Variants in DENND1B observed in about 807,000 individuals in gnomAD.
The protein encoded by DENND1B is DENN domain-containing protein 1B.
In DENND1B, 59 loss-of-function variants were observed where a neutral mutation model predicts 90.1. The observed-to-expected ratio is 0.65, with a 90% CI of 0.53 to 0.81. DENND1B has a LOEUF of 0.81. Ranked by LOEUF, DENND1B falls within the 40% of genes least tolerant of loss-of-function variation. DENND1B has a pLI of 0.00. For synonymous variants in DENND1B, 337 were observed against 324.6 expected (o/e 1.04, Z -0.41); for missense variants, 862 against 912.6 (o/e 0.94, Z 0.71).
intron 10 of DENND1B, among the ~76,000 whole-genome samples, chr1:197,634,656 A>G (rs879428308): frequency 1.3e-5 from 2 of 152,192 alleles, no homozygotes; most frequent in Admixed American, 1.3e-4. Context: ...GAAAATAGCT[A>G]AACACAAATC....
At chr1:197,523,778 G>C (rs558858311) in intron 20 of DENND1B, among the ~76,000 whole-genome samples, 1 of 152,190 alleles carries the variant, frequency 6.6e-6, no homozygotes, top group Non-Finnish European at 1.5e-5. Context: ...CAGTTTCTAG[G>C]TGTAAATACT....
At position 197,595,340 on chromosome 1, in the gene DENND1B, G is replaced by A. The variant is rs777297789; in HGVS notation, c.922-7C>T. On this transcript the variant is annotated splice_polypyrimidine_tract_variant and splice_region_variant and intron_variant, in intron 13 of 22. Transcript: ENST00000620048. Reference sequence around the variant, plus strand: ...TATTTTTCAAGGCCGAGACCTGCATGACAGAGAGGAACAGTTAAATTAACA... The same window carrying A: ...TATTTTTCAAGGCCGAGACCTGCATAACAGAGAGGAACAGTTAAATTAACA... 6 of 1,610,922 alleles carry A rather than the reference G, an allele frequency of 3.7e-6. No homozygotes were observed. In the East Asian group the frequency reaches 6.7e-5, roughly 18 times the overall value.
At chr1:197,650,535 A>G (rs1221719736) in intron 7 of DENND1B, among the ~76,000 whole-genome samples, 2 of 152,218 alleles carry the variant, frequency 1.3e-5, no homozygotes, top group African/African-American at 2.4e-5. Context: ...AAGAGGAAAA[A>G]AGTCATTACA....
intron 3 of DENND1B, among the ~76,000 whole-genome samples, chr1:197,674,644 T>C (rs1207905347): frequency 1.4e-5 from 2 of 144,250 alleles, no homozygotes; most frequent in Admixed American, 7.2e-5. Context: ...ATAACAACTC[T>C]ACATGTCCCA....
chr1:197,568,798 T>C (rs1470111838), intron 15 of DENND1B, among the ~76,000 whole-genome samples: 2 of 152,140 alleles, frequency 1.3e-5, no homozygotes, highest in African/African-American at 4.8e-5. Flanking sequence ...TCTCAGATTA[T>C]ATATAAAAAT....
At chr1:197,528,511 A>G (rs1422702673) in intron 20 of DENND1B, among the ~76,000 whole-genome samples, 1 of 152,246 alleles carries the variant, frequency 6.6e-6, no homozygotes, top group Non-Finnish European at 1.5e-5. Flanking sequence ...TCTAAGTGTG[A>G]TATCACCTTG....
chr1:197,632,433 G>A (rs1316270054), intron 10 of DENND1B, among the ~76,000 whole-genome samples: 11 of 151,864 alleles, frequency 7.2e-5, no homozygotes, highest in Admixed American at 6.6e-4. Flanking sequence ...AATTCCTTTC[G>A]AGAATGAGGT....
intron 16 of DENND1B, chr1:197,552,296 T>C: frequency 2.0e-6 from 2 of 982,438 alleles, no homozygotes; most frequent in Non-Finnish European, 2.4e-6. Context: ...ACTTAATATT[T>C]AGAACAGTGC....
chr1:197,647,971 A>G (rs1381430887), intron 7 of DENND1B, among the ~76,000 whole-genome samples: 1 of 151,874 alleles, frequency 6.6e-6, no homozygotes, highest in African/African-American at 2.4e-5. Flanking sequence ...AAAAGATATT[A>G]TAACTTTAAA....
At chr1:197,559,188 G>T (rs1671954764) in intron 15 of DENND1B, among the ~76,000 whole-genome samples, 1 of 151,770 alleles carries the variant, frequency 6.6e-6, no homozygotes, top group Non-Finnish European at 1.5e-5. Context: ...TCCCTTAGTG[G>T]TCTAGACACA....
intron 14 of DENND1B, among the ~76,000 whole-genome samples, chr1:197,590,263 C>G (rs1465111180): frequency 1.3e-5 from 2 of 152,078 alleles, no homozygotes; most frequent in Non-Finnish European, 2.9e-5. Flanking sequence ...AATGCGAACA[C>G]CAAAGCACTA....
At chr1:197,600,096 T>C (rs998265500) in intron 13 of DENND1B, among the ~76,000 whole-genome samples, 3 of 151,826 alleles carry the variant, frequency 2.0e-5, no homozygotes, top group African/African-American at 4.8e-5. Flanking sequence ...ATACTCATCA[T>C]CATTGAGGCC....
intron 18 of DENND1B, among the ~76,000 whole-genome samples, chr1:197,544,853 G>A (rs1670620980): frequency 6.8e-6 from 1 of 148,096 alleles, no homozygotes; most frequent in Non-Finnish European, 1.5e-5. Context: ...AGAAGAGGAA[G>A]AAGAGGAAGG....
At chr1:197,551,330 T>C (rs1279278812) in intron 16 of DENND1B, among the ~76,000 whole-genome samples, 1 of 152,176 alleles carries the variant, frequency 6.6e-6, no homozygotes, top group Admixed American at 6.5e-5. Context: ...CTGGAATTAA[T>C]ATTTGTCAAA....
intron 15 of DENND1B, among the ~76,000 whole-genome samples, chr1:197,573,427 C>T (rs1222336227): frequency 6.6e-6 from 1 of 152,062 alleles, no homozygotes; most frequent in Non-Finnish European, 1.5e-5. Context: ...CTGAATAGAC[C>T]AATAACAGGC....
At chr1:197,624,981 GAAAC>G (rs1043777376) in intron 10 of DENND1B, among the ~76,000 whole-genome samples, 6 of 151,922 alleles carry the variant, frequency 3.9e-5, no homozygotes, top group South Asian at 2.1e-4. Context: ...AGAATAAAAA[GAAAC>G]AAACAAAGCC....
At chr1:197,520,864 A>C (rs528010641) in intron 20 of DENND1B, among the ~76,000 whole-genome samples, 53 of 152,068 alleles carry the variant, frequency 3.5e-4, no homozygotes, top group Non-Finnish European at 6.0e-4. Context: ...AAAATGTAAA[A>C]TGTCAAGTAC....
At chr1:197,759,206 T>G (rs1405445529) in intron 2 of DENND1B, among the ~76,000 whole-genome samples, 4 of 151,488 alleles carry the variant, frequency 2.6e-5, no homozygotes, top group Admixed American at 1.3e-4. Context: ...TGGCCTCATG[T>G]GATCCACCCA....
intron 3 of DENND1B, among the ~76,000 whole-genome samples, chr1:197,700,946 G>A (rs904590666): frequency 2.0e-5 from 3 of 152,168 alleles, no homozygotes; most frequent in East Asian, 1.9e-4. Context: ...AGATGCTGGC[G>A]AGGCTGTGGA....
Sources: allele counts gnomAD v4.1 joint callset (sites outside exome capture counted in the v4.1 genomes callset), GRCh38; gene constraint gnomAD v4.1.1; transcripts MANE v1.5; gene names NCBI Gene and HGNC (gene_info 2026-07-23, HGNC 2026-07-21).